The following KRT36 variants were observed in gnomAD, a reference collection of about 807,000 sequenced individuals.
The protein encoded by KRT36 is keratin, type I cuticular Ha6.
In KRT36, 41 loss-of-function variants were observed where a neutral mutation model predicts 43.0. The ratio of observed to expected loss-of-function variants is 0.95; its 90% CI spans 0.74 to 1.24. The LOEUF (loss-of-function observed/expected upper bound fraction) is 1.24, where lower values mean the gene tolerates loss of function less well. Among genes scored for constraint, KRT36 ranks in the 50% most tolerant of loss-of-function variants. The pLI, the probability that KRT36 is intolerant of heterozygous loss-of-function variation, is 0.00. For missense variants in KRT36, 627 were observed against 595.3 expected, an observed-to-expected ratio of 1.05 and a Z score of -0.55; for synonymous variants, 277 against 252.9, an observed-to-expected ratio of 1.10 and a Z score of -0.90.
At chr17:41,486,709 G>T in intron 6 of KRT36, 138 bp from the exon 7 acceptor site, 1 of 753,018 alleles carries the variant, frequency 1.3e-6, no homozygotes, top group Non-Finnish European at 2.1e-6. Flanking sequence ...AAGGGTGAGA[G>T]GACTGAGCTA....
At chr17:41,486,643 T>C in intron 6 of KRT36, 72 bp from the exon 7 acceptor site, 2 of 1,254,400 alleles carry the variant, frequency 1.6e-6, no homozygotes, top group East Asian at 5.1e-5. Flanking sequence ...TAAACAGATC[T>C]AGAGGATCAA....
Position 41,487,747 on chromosome 17 carries a change from G to A in KRT36, c.700-10C>T, listed in dbSNP as rs1904447340. 3.7e-6 allele frequency: 6 copies of A among 1,601,806 alleles called. No homozygotes were observed. The East Asian group carries it at 1.3e-4, about 36-fold the overall frequency. On this transcript the variant is annotated splice_polypyrimidine_tract_variant and intron_variant, in intron 3 of 6. Coordinates refer to ENST00000328119, the MANE Select transcript of KRT36 (RefSeq NM_003771.5). ...GGAGTACACTGACTTCCTGCAGAGAGGAGGCAAGACGGCATGAGGTTGTGA... is the reference window on the plus strand; with the variant it reads ...GGAGTACACTGACTTCCTGCAGAGAAGAGGCAAGACGGCATGAGGTTGTGA...
Position 41,487,737 on chromosome 17 carries a change from C to A in KRT36, c.700G>T (p.Glu234Ter), listed in dbSNP as rs759965117. ...LMCLKKNHEE[E>*]VSVLRCQLGD... ...AGTTGGCAACGGAGTACACTGACTT[C>A]CTGCAGAGAGGAGGCAAGACGGCAT... The change falls in exon 4 of 7, where the codon GAA becomes TAA. Residue 234 changes from glutamate (E) to a stop codon, truncating the protein, a stop_gained and splice_region_variant. Transcript: ENST00000328119. LOFTEE classifies it high-confidence loss of function. 3 of 1,607,170 alleles carry A rather than the reference C, an allele frequency of 1.9e-6. No homozygotes were observed. Among genetic ancestry groups the A allele is most frequent in the Admixed American group, 1.7e-5 (1 of 59,548 alleles).
chr17:41,487,725 G>A lies in KRT36; in HGVS notation c.712C>T (p.Leu238Phe). Residue 238 changes from leucine to phenylalanine, a missense_variant, in exon 4 of 7, where the codon CTC becomes TTC. Leu to Phe is a conservative substitution (Grantham distance 22). Coordinates refer to ENST00000328119, the MANE Select transcript of KRT36 (RefSeq NM_003771.5). ...AGTCGGTCCCCAAGTTGGCAACGGA[G>A]TACACTGACTTCCTGCAGAGAGGAG... ...KKNHEEEVSV[L>F]RCQLGDRLNV... 1 of 1,612,238 alleles carries A rather than the reference G, an allele frequency of 6.2e-7. No homozygotes were observed. Among genetic ancestry groups the A allele is most frequent in the South Asian group, 1.1e-5 (1 of 90,980 alleles).
rs1904406046 is a variant in KRT36, at chr17:41,487,056, C to T, written c.1102G>A (p.Asp368Asn). 6.2e-7 allele frequency: 1 copy of T among 1,614,104 alleles called. No homozygotes were observed. The highest frequency in any genetic ancestry group is 1.3e-5 in the African/African-American group (1 of 74,952). ...TACTCCTGGTTCTGCCGCTCCAGGT[C>T]GCAGCGGATCTCAGACAGCTGGGCC... ...VEAQLSEIRC[D>N]LERQNQEYQV... Residue 368 changes from aspartate (D) to asparagine (N), a missense_variant, in exon 6 of 7, where the codon GAC (aspartate) becomes AAC (asparagine). Transcript: ENST00000328119.
rs758955999 is a variant in KRT36, at chr17:41,489,751, C to A, written c.114G>T (p.Arg38Ser). The A allele has an allele frequency of 1.2e-6, 2 of 1,613,870 alleles. No homozygotes were observed. Among genetic ancestry groups the A allele is most frequent in the Non-Finnish European group, 1.7e-6 (2 of 1,179,990 alleles). Residue 38 changes from arginine to serine, a missense_variant, in exon 1 of 7, where the codon AGG (arginine) becomes AGT (serine). By Grantham distance (110) the Arg-to-Ser change is moderately radical (BLOSUM62 -1). Transcript: ENST00000328119. Reference protein sequence around the residue: ...VSSIRSVGSCRVPSLAGAAGY... With the variant: ...VSSIRSVGSCSVPSLAGAAGY... ...CTGCAGCACCGGCGAGACTGGGGAC[C>A]CTGCAGGAGCCCACAGAACGGATGG... is the stretch of plus-strand genomic sequence containing the variant.
At position 41,486,448 on chromosome 17, in the gene KRT36, G is replaced by A; in HGVS notation, c.1332C>T (p.Arg444=). ...CATCTCTGATCTCCTCGGTGATGGTGCGGATCTGAGTGCCAACCTGGGGAG... is the reference window on the plus strand; with the variant it reads ...CATCTCTGATCTCCTCGGTGATGGTACGGATCTGAGTGCCAACCTGGGGAG... ...TPAPQVGTQI[R]TITEEIRDGK... The change falls in exon 7 of 7, where the codon CGC becomes CGT. Residue 444 remains arginine, a synonymous_variant. Coordinates refer to ENST00000328119, the MANE Select transcript of KRT36 (RefSeq NM_003771.5). The A allele has an allele frequency of 6.2e-7, 1 of 1,614,124 alleles. No homozygotes were observed.
chr17:41,486,546 C>T lies in KRT36; in HGVS notation c.1234G>A (p.Ala412Thr). The T allele has an allele frequency of 2.5e-6, 4 of 1,590,682 alleles. No individual in the cohort carries two copies. Among genetic ancestry groups the T allele is most frequent in the Non-Finnish European group, 3.4e-6 (4 of 1,168,826 alleles). The change falls in exon 7 of 7, where the codon GCA (alanine) becomes ACA (threonine). Residue 412 changes from alanine to threonine, a missense_variant. Transcript: ENST00000328119. ...GGAACTCTAATAACAGGCTTGCATG[C>T]CGTGGCACAAGGTTGGGGAGGAAGC... ...CKLPPQPCAT[A>T]CKPVIRVPSV...
Position 41,488,366 on chromosome 17 carries a change from C to T in KRT36, c.576G>A (p.Val192=). The change falls in exon 3 of 7, where the codon GTG becomes GTA. Residue 192 remains valine, a synonymous_variant. Coordinates refer to ENST00000328119, the MANE Select transcript of KRT36 (RefSeq NM_003771.5). ...TACGCAGGCCGTTGATGTCGGCCTC[C>T]ACTAGCTGCCGCAGAGACAGCTCTG... ...YETELSLRQL[V]EADINGLRRI... The T allele has an allele frequency of 6.2e-7, 1 of 1,614,222 alleles. No individual in the cohort carries two copies. Among genetic ancestry groups the T allele is most frequent in the African/African-American group, 1.3e-5 (1 of 75,072 alleles).
intron 6 of KRT36, 112 bp downstream of exon 6, chr17:41,486,838 G>A: frequency 1.0e-6 from 1 of 969,896 alleles, no homozygotes; most frequent in Non-Finnish European, 1.5e-6. Flanking sequence ...AGAATCTCAA[G>A]GGGCTTTGGT....
chr17:41,487,200 T>C (rs370850061), intron 5 of KRT36, 30 bp from the exon 6 acceptor site: 119 of 1,599,920 alleles, frequency 7.4e-5, no homozygotes, highest in South Asian at 6.3e-4. Flanking sequence ...GAGCTGCCTA[T>C]TGGGGAGGAA....
At position 41,489,644 on chromosome 17, in the gene KRT36, G is replaced by A. The variant is rs1286779810; in HGVS notation, c.221C>T (p.Thr74Ile). ...PGSYLSSECH[T>I]SGFVGSGGWF... ...GCCCCCGCTCCCCACAAAGCCAGAG[G>A]TGTGGCACTCAGAAGACAGGTAGGA... Residue 74 changes from threonine (T) to isoleucine (I), a missense_variant, in exon 1 of 7, where the codon ACC becomes ATC. Coordinates refer to ENST00000328119, the MANE Select transcript of KRT36 (RefSeq NM_003771.5). The A allele has an allele frequency of 6.2e-7, 1 of 1,614,194 alleles. No homozygotes were observed. The highest frequency in any genetic ancestry group is 8.5e-7 in the Non-Finnish European group (1 of 1,180,040).
rs57989439 is a variant in KRT36 at position 41,487,592 on chromosome 17, G to T, written c.845C>A (p.Ala282Asp). ...CAGCCCCACCTGGGTGTTGAACCAG[G>T]CCTCCACATCTCTGCGGTTATTCTC... ...LVENNRRDVE[A>D]WFNTQTEELN... Residue 282 changes from alanine (A) to aspartate (D), a missense_variant, in exon 4 of 7, where the codon GCC becomes GAC. Physicochemically the swap from Ala to Asp is moderately radical, Grantham distance 126. Coordinates refer to ENST00000328119, the MANE Select transcript of KRT36 (RefSeq NM_003771.5). 1.2e-3 allele frequency: 2,013 copies of T among 1,614,106 alleles called. 16 individuals are homozygous for T. The African/African-American group carries it at 0.023, about 19-fold the overall frequency.
chr17:41,488,231 C>T lies in KRT36; in HGVS notation c.699+12G>A. ...TGGGAAACACTGGGAAGTCACATGG[C>T]ACCAGCCTCACCTCCTCGTGATTCT... On this transcript the variant is annotated intron_variant, in intron 3 of 6. Coordinates refer to ENST00000328119, the MANE Select transcript of KRT36 (RefSeq NM_003771.5). The T allele has an allele frequency of 6.2e-7, 1 of 1,611,286 alleles. No homozygotes were observed. Among genetic ancestry groups the T allele is most frequent in the South Asian group, 1.1e-5 (1 of 90,756 alleles).
rs1904376618 is a variant in KRT36 at position 41,486,259 on chromosome 17, C to G, written c.*117G>C. On this transcript the variant is annotated 3_prime_UTR_variant, in exon 7 of 7. Coordinates refer to ENST00000328119, the MANE Select transcript of KRT36 (RefSeq NM_003771.5). ...TACGGGGAGTGTTTTGGTAGAAAAA[C>G]CTGCTAAGCGTAGGGGGACCCCTCT... is the stretch of plus-strand genomic sequence containing the variant. The G allele has an allele frequency of 2.7e-6, 2 of 743,356 alleles. No individual in the cohort carries two copies. The highest frequency in any genetic ancestry group is 1.8e-5 in the African/African-American group (1 of 55,582). 46.0% of individuals were successfully genotyped at this position (743,356 alleles called of 1,614,324 possible).
intron 3 of KRT36, among the ~76,000 whole-genome samples, chr17:41,487,984 C>T (rs1904453211): frequency 6.6e-6 from 1 of 152,188 alleles, no homozygotes; most frequent in Non-Finnish European, 1.5e-5. Flanking sequence ...CCCAAATAGA[C>T]ATGTAGTGTT....
chr17:41,487,343 C>A lies in KRT36; in HGVS notation c.987+8G>T, dbSNP rs1387021629. ...CCGTGGCCAGCGACGCAGGCAGGGG[C>A]CACTCACCATGCTGTGCTGAGCCTG... On this transcript the variant is annotated splice_region_variant and intron_variant, in intron 5 of 6. Transcript: ENST00000328119. 2 of 1,609,408 alleles carry A rather than the reference C, an allele frequency of 1.2e-6. No homozygotes were observed. Among genetic ancestry groups the A allele is most frequent in the Non-Finnish European group, 1.7e-6 (2 of 1,179,082 alleles).
intron 1 of KRT36, 131 bp from the exon 2 acceptor site, chr17:41,488,855 C>T: frequency 2.6e-6 from 2 of 769,418 alleles, no homozygotes; most frequent in Non-Finnish European, 4.5e-6. Context: ...AGCCCTGAGC[C>T]ACACCCCAGG....
intron 5 of KRT36, 48 bp downstream of exon 5, chr17:41,487,303 G>A (rs374311174): frequency 3.8e-6 from 6 of 1,593,932 alleles, no homozygotes; most frequent in Middle Eastern, 2.2e-4. Context: ...TGGTGCGTCG[G>A]GGACCTGCCA....
Sources: gnomAD v4.1 joint callset for allele counts (sites outside exome capture counted in the v4.1 genomes callset) on GRCh38, gnomAD v4.1.1 for gene constraint, MANE v1.5 for transcripts, NCBI Gene and HGNC (gene_info 2026-07-23, HGNC 2026-07-21) for gene names.